RB1CC1: variants seen among roughly 807,000 people sequenced by gnomAD.
The protein encoded by RB1CC1 is RB1-inducible coiled-coil protein 1.
Under a neutral mutation model 177.5 loss-of-function variants are expected in RB1CC1, and 46 were observed. That is an observed-to-expected ratio of 0.26 (90% CI 0.20 to 0.33). The LOEUF (loss-of-function observed/expected upper bound fraction) is 0.33. Ranked by LOEUF, RB1CC1 falls within the 10% of genes least tolerant of loss-of-function variation. RB1CC1 has a pLI of 1.00. For synonymous variants in RB1CC1, 666 were observed against 613.6 expected (o/e 1.09, Z -1.26); for missense variants, 1,703 against 1,816.3 (o/e 0.94, Z 1.13).
chr8:52,666,877 G>A (rs1011850119), intron 8 of RB1CC1, among the ~76,000 whole-genome samples: 18 of 152,092 alleles, frequency 1.2e-4, no homozygotes, highest in African/African-American at 3.9e-4. Flanking sequence ...TAAATGAAAC[G>A]GATATGGTGA....
At chr8:52,708,944 T>C (rs952108137) in intron 1 of RB1CC1, among the ~76,000 whole-genome samples, 1 of 152,064 alleles carries the variant, frequency 6.6e-6, no homozygotes, top group Non-Finnish European at 1.5e-5. Context: ...TTTAGTCCAC[T>C]TTATATGCCA....
At chr8:52,707,350 C>T (rs1856654086) in intron 1 of RB1CC1, among the ~76,000 whole-genome samples, 1 of 151,972 alleles carries the variant, frequency 6.6e-6, no homozygotes. Context: ...TAAATCTATT[C>T]CCTAATTTAT....
chr8:52,674,097 A>G lies in RB1CC1; in HGVS notation c.750T>C (p.Thr250=), dbSNP rs1401696481. Residue 250 remains threonine (T), a synonymous_variant, in exon 7 of 24, where the codon ACT becomes ACC. Transcript: ENST00000025008. Reference sequence around the variant, plus strand: ...GAAATGAGGTTAACAAAGATTCGTTAGTTGTTCTAGGCATATCAGGAGAGA... The same window carrying G: ...GAAATGAGGTTAACAAAGATTCGTTGGTTGTTCTAGGCATATCAGGAGAGA... ...LVLSPDMPRT[T]NESLLTSFPK... 2 of 1,614,014 alleles carry G rather than the reference A, an allele frequency of 1.2e-6. No individual in the cohort carries two copies. Among genetic ancestry groups the G allele is most frequent in the African/African-American group, 2.7e-5 (2 of 74,936 alleles).
At chr8:52,640,709 T>C (rs1849502553) in intron 18 of RB1CC1, among the ~76,000 whole-genome samples, 1 of 152,190 alleles carries the variant, frequency 6.6e-6, no homozygotes, top group Non-Finnish European at 1.5e-5. Flanking sequence ...TCCGGACATA[T>C]TTATGTCATT....
intron 19 of RB1CC1, among the ~76,000 whole-genome samples, chr8:52,635,666 T>C (rs758988588): frequency 1.3e-5 from 2 of 152,170 alleles, no homozygotes; most frequent in East Asian, 1.9e-4. Flanking sequence ...GTTTTTGAAA[T>C]AGATGTTTAA....
intron 13 of RB1CC1, among the ~76,000 whole-genome samples, chr8:52,658,625 C>T (rs1203571817): frequency 3.5e-5 from 5 of 141,566 alleles, no homozygotes; most frequent in Non-Finnish European, 1.6e-5. Context: ...AATTTCCCAA[C>T]AGCATGCAAA....
intron 6 of RB1CC1, among the ~76,000 whole-genome samples, chr8:52,675,996 C>T (rs1853091315): frequency 6.6e-6 from 1 of 151,856 alleles, no homozygotes; most frequent in South Asian, 2.1e-4. Context: ...TAAAATTTTC[C>T]TCCATTGTCC....
rs1251409245 is a variant in RB1CC1, at chr8:52,699,950, G to C, written c.-166-12983C>G. On this transcript the variant is annotated intron_variant, in intron 1 of 23. Transcript: ENST00000025008. ...AAATGTCTGAATGATGCCAGGAGCT[G>C]TTTCACCAAAGCAAGTCAATTTTAT... is the stretch of plus-strand genomic sequence containing the variant. Among the ~76,000 whole-genome samples, 3 of 148,996 alleles carry C rather than the reference G, an allele frequency of 2.0e-5. No individual in the cohort carries two copies. The East Asian group carries it at 6.0e-4, about 30-fold the overall frequency.
At chr8:52,671,273 A>C (rs962078953) in intron 7 of RB1CC1, among the ~76,000 whole-genome samples, 2 of 152,234 alleles carry the variant, frequency 1.3e-5, no homozygotes, top group East Asian at 1.9e-4. Context: ...TGCCAGTTGA[A>C]AGTACATGTT....
intron 1 of RB1CC1, among the ~76,000 whole-genome samples, chr8:52,703,583 C>A (rs1460675985): frequency 2.6e-5 from 4 of 152,176 alleles, no homozygotes; most frequent in Non-Finnish European, 4.4e-5. Context: ...CACAAATATT[C>A]TGTCGTAAAG....
At chr8:52,666,449 C>A (rs1231326111) in intron 8 of RB1CC1, among the ~76,000 whole-genome samples, 1 of 151,270 alleles carries the variant, frequency 6.6e-6, no homozygotes, top group Admixed American at 6.6e-5. Flanking sequence ...ACCCAGGAGG[C>A]AGACGTTGCA....
chr8:52,699,924 A>G (rs1302724437), intron 1 of RB1CC1, among the ~76,000 whole-genome samples: 1 of 149,158 alleles, frequency 6.7e-6, no homozygotes, highest in African/African-American at 2.5e-5. Context: ...CAACAGGATA[A>G]AAATGTCTGA....
chr8:52,686,790 C>T, intron 2 of RB1CC1, 63 bp downstream of exon 2: 1 of 333,346 alleles, frequency 3.0e-6, no homozygotes, highest in Non-Finnish European at 5.9e-6. Flanking sequence ...TTAAGATTTC[C>T]AGAATCATTA....
intron 6 of RB1CC1, 75 bp downstream of exon 6, chr8:52,676,294 T>G (rs999277824): frequency 1.0e-5 from 14 of 1,352,894 alleles, no homozygotes; most frequent in Middle Eastern, 2.6e-4. Context: ...AGAAACAAAT[T>G]TGCAGTAATT....
At chr8:52,701,410 C>A (rs1352556504) in intron 1 of RB1CC1, among the ~76,000 whole-genome samples, 1 of 152,046 alleles carries the variant, frequency 6.6e-6, no homozygotes, top group Non-Finnish European at 1.5e-5. Flanking sequence ...CAGGCTTGAG[C>A]CACTGTGACT....
Position 52,673,326 on chromosome 8 carries a change from G to A in RB1CC1, c.1002+519C>T, listed in dbSNP as rs1459868125. Among the ~76,000 whole-genome samples, 3 of 152,260 alleles carry A rather than the reference G, an allele frequency of 2.0e-5. No individual in the cohort carries two copies. In the East Asian group the frequency reaches 5.8e-4, roughly 29 times the overall value. Reference sequence around the variant, plus strand: ...TTCCTCAGGTTTAAAAGGTTTTCAGGTGTGCTGGAGAAGACCTTAATCCAA... The same window carrying A: ...TTCCTCAGGTTTAAAAGGTTTTCAGATGTGCTGGAGAAGACCTTAATCCAA... On this transcript the variant is annotated intron_variant, in intron 7 of 23. Coordinates refer to ENST00000025008, the MANE Select transcript of RB1CC1 (RefSeq NM_014781.5).
intron 1 of RB1CC1, among the ~76,000 whole-genome samples, chr8:52,702,653 T>C (rs183940432): frequency 1.2e-3 from 178 of 152,058 alleles, no homozygotes; most frequent in Non-Finnish European, 2.1e-3. Flanking sequence ...CAGGTGGAGG[T>C]TGCAGTGAGC....
intron 5 of RB1CC1, among the ~76,000 whole-genome samples, chr8:52,677,754 T>C (rs1432503065): frequency 6.6e-6 from 1 of 152,164 alleles, no homozygotes; most frequent in East Asian, 1.9e-4. Context: ...TGTCAATTAA[T>C]GTCAATTAAT....
At chr8:52,628,810 A>T (rs1282785974) in intron 21 of RB1CC1, among the ~76,000 whole-genome samples, 1 of 152,192 alleles carries the variant, frequency 6.6e-6, no homozygotes. Context: ...TTGAAAATCA[A>T]TCTCATATTT....
Sources: gnomAD v4.1 joint callset for allele counts (sites outside exome capture counted in the v4.1 genomes callset) on GRCh38, gnomAD v4.1.1 for gene constraint, MANE v1.5 for transcripts, NCBI Gene and HGNC (gene_info 2026-07-23, HGNC 2026-07-21) for gene names.